RARA: variants seen among roughly 807,000 people sequenced by gnomAD.
The protein encoded by RARA is PML-DDX5-RARA fusion.
In RARA, 5 loss-of-function variants were observed where a neutral mutation model predicts 42.8. That is an observed-to-expected ratio of 0.12 (90% CI 0.06 to 0.25). RARA has a LOEUF of 0.25. RARA is among the 10% of genes least tolerant of loss of function. The pLI is 1.00. For missense variants in RARA, 402 were observed against 628.7 expected (o/e 0.64, Z 3.86); for synonymous variants, 256 against 259.5 (o/e 0.99, Z 0.13).
chr17:40,316,795 G>A (rs572682815), intron 1 of RARA, among the ~76,000 whole-genome samples: 69 of 140,386 alleles, frequency 4.9e-4, no homozygotes, highest in African/African-American at 1.7e-3. Flanking sequence ...GTTTGCGGAT[G>A]AATCTGGACA....
At chr17:40,341,765 C>A (rs900724013) in intron 2 of RARA, 1 of 1,292,520 alleles carries the variant, frequency 7.7e-7, no homozygotes, top group Non-Finnish European at 9.8e-7. Flanking sequence ...GCCCCACCAC[C>A]TCCTCCACCA....
rs1183149639 is a variant in RARA at position 40,320,660 on chromosome 17, A to C, written c.-362-10197A>C. On this transcript the variant is annotated intron_variant, in intron 1 of 8. Transcript: ENST00000254066. This position sits in a 1 kb window ranked among gnomAD's most constrained non-coding sequence, Gnocchi z 4.1. ...GATGTGACGGTGGGGCCTGTCCCAAAATACAAACCCCAATGCCCAGTTTCC... is the reference window on the plus strand; with the variant it reads ...GATGTGACGGTGGGGCCTGTCCCAACATACAAACCCCAATGCCCAGTTTCC... Among the ~76,000 whole-genome samples the C allele has an allele frequency of 1.3e-5, 2 of 152,064 alleles. No homozygotes were observed. The highest frequency in any genetic ancestry group is 2.9e-5 in the Non-Finnish European group (2 of 68,008).
chr17:40,355,331 G>A lies in RARA; in HGVS notation c.1081G>A (p.Val361Ile), dbSNP rs2034584884. The change falls in exon 8 of 9, where the codon GTC (valine) becomes ATC (isoleucine). Residue 361 changes from valine (V) to isoleucine (I), a missense_variant. Physicochemically the swap from Val to Ile is conservative, Grantham distance 29. Transcript: ENST00000254066. The surrounding 1 kb of genome is among the most constrained non-coding windows in gnomAD (Gnocchi z 4.1). ...GGAGCCGCTGCTGGAGGCGCTAAAG[G>A]TCTACGTGCGGAAGCGGAGGCCCAG... Reference protein sequence around the residue: ...LQEPLLEALKVYVRKRRPSRP... With the variant: ...LQEPLLEALKIYVRKRRPSRP... The A allele has an allele frequency of 6.2e-7, 1 of 1,612,170 alleles. No homozygotes were observed. Among genetic ancestry groups the A allele is most frequent in the African/African-American group, 1.3e-5 (1 of 74,908 alleles).
rs2034030946 is a variant in RARA, at chr17:40,341,389, C to T, written c.179-6927C>T. The T allele has an allele frequency of 2.0e-6, 3 of 1,477,292 alleles. No homozygotes were observed. The Admixed American group carries it at 7.4e-5, about 37-fold the overall frequency. 91.5% of individuals were successfully genotyped at this position (1,477,292 alleles called of 1,614,324 possible). ...TCGGGTTCCGGCGGCCGGAGTCACACATGATGTCACAGACAATGACACAAG... is the reference window on the plus strand; with the variant it reads ...TCGGGTTCCGGCGGCCGGAGTCACATATGATGTCACAGACAATGACACAAG... On this transcript the variant is annotated intron_variant, in intron 2 of 8. Coordinates refer to ENST00000254066, the MANE Select transcript of RARA (RefSeq NM_000964.4).
At chr17:40,336,389 C>T (rs575822752) in intron 2 of RARA, among the ~76,000 whole-genome samples, 5 of 150,384 alleles carry the variant, frequency 3.3e-5, no homozygotes, top group East Asian at 2.0e-4. Flanking sequence ...GACATTTATT[C>T]ATTTATTTAT....
At chr17:40,314,023 GTC>G (rs1306326910) in intron 1 of RARA, among the ~76,000 whole-genome samples, 2 of 152,082 alleles carry the variant, frequency 1.3e-5, no homozygotes, top group South Asian at 4.1e-4. Flanking sequence ...CTTTCTGTTG[GTC>G]TCTGTCTCAT....
Position 40,356,255 on chromosome 17 carries a change from G to A in RARA, c.*29G>A, listed in dbSNP as rs1442009995. On this transcript the variant is annotated 3_prime_UTR_variant, in exon 9 of 9. Coordinates refer to ENST00000254066, the MANE Select transcript of RARA (RefSeq NM_000964.4). ...CCCACGCCACATGGACACAGCCCTC[G>A]CCCTCCGCCCCGGCTTTTCTCTGCC... 12 of 1,541,734 alleles carry A rather than the reference G, an allele frequency of 7.8e-6. No individual in the cohort carries two copies. The highest frequency in any genetic ancestry group is 2.7e-5 in the African/African-American group (2 of 72,880).
At chr17:40,342,111 G>C (rs987894895) in intron 2 of RARA, 4 of 1,050,698 alleles carry the variant, frequency 3.8e-6, no homozygotes, top group East Asian at 1.1e-4. Context: ...CGGTGGAAAG[G>C]GGGTGGTGCC....
chr17:40,340,078 C>T (rs2033984180), intron 2 of RARA, among the ~76,000 whole-genome samples: 1 of 152,200 alleles, frequency 6.6e-6, no homozygotes, highest in African/African-American at 2.4e-5. Context: ...GTAAGTCACA[C>T]ACAAGTCTCT....
Position 40,356,839 on chromosome 17 carries a change from A to C in RARA, c.*613A>C. On this transcript the variant is annotated 3_prime_UTR_variant, in exon 9 of 9. Transcript: ENST00000254066. The stretch of plus-strand genomic sequence containing the variant: ...TGTGCTGTGTATTGGGGGGAGCTGG[A>C]TCCAGAGCTGGAGGGGGTGGGTCCG... 1 of 281,516 alleles carries C rather than the reference A, an allele frequency of 3.6e-6. No homozygotes were observed. The highest frequency in any genetic ancestry group is 3.5e-5 in the South Asian group (1 of 28,494). 17.4% of individuals were successfully genotyped at this position (281,516 alleles called of 1,614,324 possible). A position where few individuals can be genotyped will look rare whatever the true frequency, so the allele number is the denominator to read the frequency against.
chr17:40,310,706 T>G (rs2033079701), intron 1 of RARA, among the ~76,000 whole-genome samples: 1 of 152,174 alleles, frequency 6.6e-6, no homozygotes, highest in Non-Finnish European at 1.5e-5. Flanking sequence ...TATGTGTTTA[T>G]ATAGGTCTTC....
chr17:40,340,324 T>C (rs989748923), intron 2 of RARA, among the ~76,000 whole-genome samples: 1 of 152,214 alleles, frequency 6.6e-6, no homozygotes, highest in African/African-American at 2.4e-5. Flanking sequence ...AATCTGATCT[T>C]TCCTTTGCTT....
rs2034253342 is a variant in RARA, at chr17:40,345,937, A to T, written c.179-2379A>T. On this transcript the variant is annotated intron_variant, in intron 2 of 8. Coordinates refer to ENST00000254066, the MANE Select transcript of RARA (RefSeq NM_000964.4). This position sits in a 1 kb window ranked among gnomAD's most constrained non-coding sequence, Gnocchi z 4.8. ...GGTGGGGCATCGAGCTCTGGGTTCA[A>T]AGGGCAGAGCAGGGAAACCTCAGAG... Among the ~76,000 whole-genome samples the T allele has an allele frequency of 6.6e-6, 1 of 152,158 alleles. No individual in the cohort carries two copies.
At position 40,356,362 on chromosome 17, in the gene RARA, G is replaced by A. The variant is rs781040511; in HGVS notation, c.*136G>A. 31 of 995,114 alleles carry A rather than the reference G, an allele frequency of 3.1e-5. No homozygotes were observed. The highest frequency in any genetic ancestry group is 5.2e-5 in the East Asian group (2 of 38,530). The allele number at this position is 995,114 out of a possible 1,614,324, so 61.6% of individuals were successfully genotyped here. ...GTACTGGGGACCTTCCCTGGGGGAC[G>A]GGGAGGGAGGAGGCAGCGACTCCTT... On this transcript the variant is annotated 3_prime_UTR_variant, in exon 9 of 9. Coordinates refer to ENST00000254066, the MANE Select transcript of RARA (RefSeq NM_000964.4).
At chr17:40,342,381 C>T (rs2034090999) in intron 2 of RARA, 3 of 1,110,680 alleles carry the variant, frequency 2.7e-6, no homozygotes, top group South Asian at 3.5e-5. Flanking sequence ...TACTCTGCCT[C>T]GGACGCCACG....
chr17:40,309,892 A>G (rs1399359602), intron 1 of RARA, among the ~76,000 whole-genome samples: 1 of 152,120 alleles, frequency 6.6e-6, no homozygotes, highest in Non-Finnish European at 1.5e-5. Flanking sequence ...GCCCCCATCC[A>G]TGTCAACATT....
rs947518943 is a variant in RARA at position 40,352,085 on chromosome 17, C to T, written c.630+15C>T. ...AATACACTACGGTATGGCTTTCCCC[C>T]GGCCTGCAGGGTGGGATTTGCCCAG... On this transcript the variant is annotated intron_variant, in intron 5 of 8. Transcript: ENST00000254066. The surrounding 1 kb of genome is among the most constrained non-coding windows in gnomAD (Gnocchi z 4.9). 1.2e-5 allele frequency: 18 copies of T among 1,545,340 alleles called. No homozygotes were observed. Among genetic ancestry groups the T allele is most frequent in the Middle Eastern group, 3.4e-4 (2 of 5,824 alleles).
In RARA at chr17:40,322,877, C is replaced by G. The variant is rs529109940; in HGVS notation, c.-362-7980C>G. 7 of 152,276 alleles carry G rather than the reference C, an allele frequency of 4.6e-5. No homozygotes were observed. In the East Asian group the frequency reaches 1.2e-3, roughly 25 times the overall value. 9.4% of individuals were successfully genotyped at this position (152,276 alleles called of 1,614,324 possible). A position where few individuals can be genotyped will look rare whatever the true frequency, so the allele number is the denominator to read the frequency against. On this transcript the variant is annotated intron_variant, in intron 1 of 8. Transcript: ENST00000254066. ...CAGGTAGGAGAAACCTGGGGGACAG[C>G]TGATTCCCCAGGGGGTGCAAACAAT... is the stretch of plus-strand genomic sequence containing the variant.
At chr17:40,348,092 T>G (rs1031005284) in intron 2 of RARA, 1 of 435,486 alleles carries the variant, frequency 2.3e-6, no homozygotes, top group African/African-American at 2.0e-5. Context: ...GTTTTGAAGG[T>G]GGGGGTCCTA....
Sources: gnomAD v4.1 joint callset for allele counts (sites outside exome capture counted in the v4.1 genomes callset) on GRCh38, gnomAD v4.1.1 for gene constraint, Gnocchi (gnomAD v3.1) non-coding constraint, MANE v1.5 for transcripts, NCBI Gene and HGNC (gene_info 2026-07-23, HGNC 2026-07-21) for gene names.